The following NAALADL2 variants were observed in gnomAD, a reference collection of about 807,000 sequenced individuals.
NAALADL2 encodes inactive N-acetylated-alpha-linked acidic dipeptidase-like protein 2.
A neutral mutation model predicts 87.2 loss-of-function variants in NAALADL2; 76 were observed. The ratio of observed to expected loss-of-function variants is 0.87; its 90% CI spans 0.72 to 1.05. The LOEUF (loss-of-function observed/expected upper bound fraction) is 1.05, where lower values mean the gene tolerates loss of function less well. Among genes scored for constraint, NAALADL2 ranks in the 50% least tolerant of loss-of-function variants. NAALADL2 has a pLI of 0.00. For missense variants in NAALADL2, 1,089 were observed against 945.8 expected, an observed-to-expected ratio of 1.15 and a Z score of -1.99; for synonymous variants, 354 against 331.0, an observed-to-expected ratio of 1.07 and a Z score of -0.75.
At chr3:174,446,927 T>A (rs1184891043) in intron 1 of NAALADL2, among the ~76,000 whole-genome samples, 1 of 152,162 alleles carries the variant, frequency 6.6e-6, no homozygotes, top group African/African-American at 2.4e-5. Context: ...GGAGCAACCT[T>A]AAGAAACCTT....
chr3:175,267,425 A>T (rs1473014850), intron 4 of NAALADL2, among the ~76,000 whole-genome samples: 2 of 152,100 alleles, frequency 1.3e-5, no homozygotes, highest in South Asian at 4.1e-4. Flanking sequence ...CAGCTTTATA[A>T]AAACCCTCTG....
chr3:174,714,278 A>G (rs531397190), intron 2 of NAALADL2, among the ~76,000 whole-genome samples: 1 of 152,274 alleles, frequency 6.6e-6, no homozygotes, highest in Non-Finnish European at 1.5e-5. Flanking sequence ...TGACTTGGCA[A>G]TGTGGGCTCT....
chr3:174,839,840 AAT>A (rs1002031690), intron 3 of NAALADL2, among the ~76,000 whole-genome samples: 1 of 147,140 alleles, frequency 6.8e-6, no homozygotes, highest in African/African-American at 2.7e-5. Flanking sequence ...AAAAAAAAAT[AAT>A]AAAAAAAAAT....
intron 3 of NAALADL2, among the ~76,000 whole-genome samples, chr3:174,814,200 C>G (rs920182047): frequency 2.5e-4 from 38 of 152,156 alleles, no homozygotes; most frequent in Middle Eastern, 6.8e-3. Flanking sequence ...GCTCCACCCC[C>G]CGGGTTCACA....
chr3:175,662,589 AT>A (rs942601763), intron 11 of NAALADL2, among the ~76,000 whole-genome samples: 1 of 151,818 alleles, frequency 6.6e-6, no homozygotes, highest in Non-Finnish European at 1.5e-5. Context: ...AAAGGCTTTC[AT>A]TTTTTTCCAC....
intron 11 of NAALADL2, among the ~76,000 whole-genome samples, chr3:175,704,133 G>A (rs939384561): frequency 6.6e-6 from 1 of 152,104 alleles, no homozygotes; most frequent in Admixed American, 6.6e-5. Context: ...CTTCTGGTCT[G>A]TTATAAAATA....
At chr3:175,284,046 C>G (rs1236671701) in intron 4 of NAALADL2, among the ~76,000 whole-genome samples, 5 of 152,052 alleles carry the variant, frequency 3.3e-5, no homozygotes, top group Non-Finnish European at 7.4e-5. Flanking sequence ...AAACTCGTGT[C>G]TTTGCTGAAA....
chr3:175,171,497 A>G (rs1734801403), intron 2 of NAALADL2, among the ~76,000 whole-genome samples: 1 of 152,120 alleles, frequency 6.6e-6, no homozygotes, highest in African/African-American at 2.4e-5. Context: ...AATTAGAAAC[A>G]TAATACCAAT....
intron 2 of NAALADL2, among the ~76,000 whole-genome samples, chr3:175,153,888 T>C (rs1221298550): frequency 6.6e-6 from 1 of 152,196 alleles, no homozygotes; most frequent in Admixed American, 6.5e-5. Flanking sequence ...TGGTTGGCTT[T>C]CAGAGGTCGT....
chr3:175,392,861 T>C (rs2149027439), intron 5 of NAALADL2, among the ~76,000 whole-genome samples: 1 of 152,318 alleles, frequency 6.6e-6, no homozygotes, highest in East Asian at 1.9e-4. Context: ...ACCACAGGCT[T>C]GCCTCATGAC....
rs374689722 is a variant in NAALADL2 at position 175,160,615 on chromosome 3, G to A, written c.545+63324G>A. On this transcript the variant is annotated intron_variant, in intron 2 of 13. Coordinates refer to ENST00000454872, the MANE Select transcript of NAALADL2 (RefSeq NM_207015.3). Reference sequence around the variant, plus strand: ...GATCCGCCCGCCTCGGCCTCCCAAAGTGCTGGGATTACAGGCGTGAGCCAC... The same window carrying A: ...GATCCGCCCGCCTCGGCCTCCCAAAATGCTGGGATTACAGGCGTGAGCCAC... Among the ~76,000 whole-genome samples, 4 of 151,646 alleles carry A rather than the reference G, an allele frequency of 2.6e-5. No individual in the cohort carries two copies. The East Asian group carries it at 7.8e-4, about 29-fold the overall frequency.
At chr3:174,804,828 C>T (rs751541063) in intron 3 of NAALADL2, among the ~76,000 whole-genome samples, 2 of 152,042 alleles carry the variant, frequency 1.3e-5, no homozygotes, top group Non-Finnish European at 2.9e-5. Flanking sequence ...AAATTTAATA[C>T]TAAGAGTAAT....
chr3:175,333,455 T>C (rs1333238563), intron 5 of NAALADL2, among the ~76,000 whole-genome samples: 1 of 152,138 alleles, frequency 6.6e-6, no homozygotes, highest in African/African-American at 2.4e-5. Context: ...AAATAAAATG[T>C]GGTATATATG....
rs73032341 is a variant in NAALADL2, at chr3:175,019,459, A to G, written c.44-77331A>G. Among the ~76,000 whole-genome samples the G allele has an allele frequency of 2.8e-3, 420 of 152,172 alleles. 3 individuals are homozygous for G. The highest frequency in any genetic ancestry group is 9.8e-3 in the African/African-American group (406 of 41,546). On this transcript the variant is annotated intron_variant, in intron 1 of 13. Coordinates refer to ENST00000454872, the MANE Select transcript of NAALADL2 (RefSeq NM_207015.3). ...TAAAGTAATTTTGTTTTCATTGCTC[A>G]TAAGCTTCAGCTAGACATGGCTTTG...
intron 11 of NAALADL2, among the ~76,000 whole-genome samples, chr3:175,719,153 T>A (rs1741843878): frequency 6.6e-6 from 1 of 151,868 alleles, no homozygotes; most frequent in Admixed American, 6.6e-5. Context: ...GGGGTGATTT[T>A]GCCCCCAGGG....
intron 2 of NAALADL2, among the ~76,000 whole-genome samples, chr3:174,692,806 T>C (rs1728697242): frequency 2.6e-5 from 4 of 151,900 alleles, no homozygotes; most frequent in Admixed American, 2.6e-4. Flanking sequence ...GAAGTATATA[T>C]GTAAAAATGC....
chr3:174,989,692 A>G (rs968042505), intron 1 of NAALADL2, among the ~76,000 whole-genome samples: 1 of 152,184 alleles, frequency 6.6e-6, no homozygotes, highest in African/African-American at 2.4e-5. Flanking sequence ...ACTAAAATAT[A>G]AGCCTGAGTC....
chr3:174,827,610 A>G (rs899611574), intron 3 of NAALADL2, among the ~76,000 whole-genome samples: 1 of 152,218 alleles, frequency 6.6e-6, no homozygotes, highest in African/African-American at 2.4e-5. Context: ...TAATAACTTT[A>G]ATTGCATATG....
At chr3:175,625,161 G>A (rs995343445) in intron 10 of NAALADL2, among the ~76,000 whole-genome samples, 1 of 151,996 alleles carries the variant, frequency 6.6e-6, no homozygotes, top group African/African-American at 2.4e-5. Context: ...AAAAACGAGT[G>A]TATTCAGAAA....
Sources: allele counts gnomAD v4.1 joint callset (sites outside exome capture counted in the v4.1 genomes callset), GRCh38; gene constraint gnomAD v4.1.1; transcripts MANE v1.5; gene names NCBI Gene and HGNC (gene_info 2026-07-23, HGNC 2026-07-21).